The following POU6F2 variants were observed in gnomAD, a reference collection of about 807,000 sequenced individuals.
POU6F2 encodes the protein POU domain, class 6, transcription factor 2.
Under a neutral mutation model 71.3 loss-of-function variants are expected in POU6F2, and 31 were observed. That is an observed-to-expected ratio of 0.43 (90% CI 0.33 to 0.59). The LOEUF (loss-of-function observed/expected upper bound fraction) is 0.59. POU6F2 is among the 20% of genes least tolerant of loss of function. The probability of loss-of-function intolerance (pLI) is 0.04; values close to 1 mark genes in which losing one functional copy is unlikely to be tolerated. For synonymous variants in POU6F2, 347 were observed against 355.7 expected, an observed-to-expected ratio of 0.98 and a Z score of 0.27; for missense variants, 783 against 856.8, an observed-to-expected ratio of 0.91 and a Z score of 1.07.
chr7:39,233,374 C>T (rs1794613031), intron 4 of POU6F2, among the ~76,000 whole-genome samples: 1 of 151,646 alleles, frequency 6.6e-6, no homozygotes, highest in Non-Finnish European at 1.5e-5. Context: ...AACATTATCA[C>T]TAGCTGCCTT....
intron 5 of POU6F2, among the ~76,000 whole-genome samples, chr7:39,351,009 G>C (rs543908120): frequency 1.3e-5 from 2 of 152,338 alleles, no homozygotes; most frequent in South Asian, 4.1e-4. Flanking sequence ...TTTGTTTGTT[G>C]TTTGAAGATA....
intron 1 of POU6F2, among the ~76,000 whole-genome samples, chr7:39,070,152 A>G (rs751555647): frequency 2.0e-5 from 3 of 152,188 alleles, no homozygotes; most frequent in Non-Finnish European, 4.4e-5. Context: ...AAGCTGAGAG[A>G]TGATTTATTT....
At chr7:39,126,993 T>G (rs1319134015) in intron 2 of POU6F2, among the ~76,000 whole-genome samples, 1 of 152,148 alleles carries the variant, frequency 6.6e-6, no homozygotes, top group Non-Finnish European at 1.5e-5. Flanking sequence ...AGTAGCCACA[T>G]TAAAAAAATA....
intron 7 of POU6F2, 131 bp downstream of exon 7, chr7:39,433,414 G>A (rs1337551820): frequency 1.3e-5 from 13 of 972,218 alleles, no homozygotes; most frequent in African/African-American, 4.9e-5. Context: ...TGAACATATC[G>A]ATACTTATAA....
chr7:39,447,632 C>T (rs944579048), intron 7 of POU6F2, among the ~76,000 whole-genome samples: 4 of 152,180 alleles, frequency 2.6e-5, no homozygotes, highest in African/African-American at 9.6e-5. Flanking sequence ...ACATTACTCA[C>T]ATATTTGGCC....
chr7:39,168,127 G>A (rs1170987557), intron 2 of POU6F2, among the ~76,000 whole-genome samples: 1 of 152,110 alleles, frequency 6.6e-6, no homozygotes, highest in Non-Finnish European at 1.5e-5. Flanking sequence ...GATCTTATAA[G>A]AGATTTTTTT....
chr7:39,255,453 G>A (rs768216608), intron 4 of POU6F2, among the ~76,000 whole-genome samples: 1 of 152,184 alleles, frequency 6.6e-6, no homozygotes, highest in Non-Finnish European at 1.5e-5. Flanking sequence ...AAAGAAGCAC[G>A]CCTTTCTCAT....
chr7:39,207,583 C>T lies in POU6F2; in HGVS notation c.561C>T (p.Ala187=), dbSNP rs775577041. The change falls in exon 4 of 10, where the codon GCC becomes GCT. Residue 187 remains alanine, a synonymous_variant. Transcript: ENST00000518318. ...NIQGLVAAAA[A]GGIMTLPLQN... ...AAGGGCTGGTGGCAGCAGCTGCAGC[C>T]GGAGGCATTATGACTCTGCCACTGC... 50 of 1,613,806 alleles carry T rather than the reference C, an allele frequency of 3.1e-5. No individual in the cohort carries two copies. The highest frequency in any genetic ancestry group is 4.2e-5 in the Non-Finnish European group (50 of 1,179,840).
chr7:39,211,022 A>G (rs1794133341), intron 4 of POU6F2, among the ~76,000 whole-genome samples: 1 of 152,068 alleles, frequency 6.6e-6, no homozygotes, highest in Non-Finnish European at 1.5e-5. Context: ...TGGTTCATAG[A>G]TGTCTGTCTT....
At chr7:39,203,599 T>C (rs1014439301) in intron 2 of POU6F2, among the ~76,000 whole-genome samples, 1 of 152,216 alleles carries the variant, frequency 6.6e-6, no homozygotes, top group Non-Finnish European at 1.5e-5. Context: ...AGTAGGATTC[T>C]GGTAAAGGAA....
chr7:39,383,636 CA>C (rs1480639327), intron 5 of POU6F2, among the ~76,000 whole-genome samples: 1 of 152,060 alleles, frequency 6.6e-6, no homozygotes, highest in Non-Finnish European at 1.5e-5. Flanking sequence ...GACCAAAACC[CA>C]AAAAGACTGC....
intron 7 of POU6F2, among the ~76,000 whole-genome samples, chr7:39,437,857 T>C (rs1364476821): frequency 2.0e-5 from 3 of 152,200 alleles, no homozygotes; most frequent in Non-Finnish European, 4.4e-5. Flanking sequence ...ACTTCTTGAT[T>C]TCTGCCTTAA....
chr7:39,054,078 G>A (rs1018185792), intron 1 of POU6F2, among the ~76,000 whole-genome samples: 2 of 151,314 alleles, frequency 1.3e-5, no homozygotes, highest in African/African-American at 4.9e-5. Context: ...CTCTAGCCTG[G>A]GCAACAGAGC....
At chr7:39,118,633 A>G (rs1791980295) in intron 2 of POU6F2, among the ~76,000 whole-genome samples, 1 of 152,196 alleles carries the variant, frequency 6.6e-6, no homozygotes, top group South Asian at 2.1e-4. Context: ...AATTAATGAG[A>G]AAGTTAGAGG....
At chr7:39,321,991 C>T (rs1240405179) in intron 4 of POU6F2, among the ~76,000 whole-genome samples, 1 of 151,994 alleles carries the variant, frequency 6.6e-6, no homozygotes, top group Non-Finnish European at 1.5e-5. Flanking sequence ...AAGTAAGTAC[C>T]TTATAGTTTT....
chr7:39,296,414 A>G (rs1385850686), intron 4 of POU6F2, among the ~76,000 whole-genome samples: 5 of 152,218 alleles, frequency 3.3e-5, no homozygotes, highest in East Asian at 1.9e-4. Flanking sequence ...TAGCATTTCA[A>G]TAAGCTACCA....
intron 4 of POU6F2, among the ~76,000 whole-genome samples, chr7:39,221,168 C>T (rs1794347658): frequency 6.6e-6 from 1 of 151,988 alleles, no homozygotes; most frequent in Non-Finnish European, 1.5e-5. Context: ...TCTGCCTATA[C>T]AAATGGCACT....
At chr7:39,093,505 A>G (rs956452533) in intron 2 of POU6F2, among the ~76,000 whole-genome samples, 3 of 152,110 alleles carry the variant, frequency 2.0e-5, no homozygotes, top group East Asian at 1.9e-4. Flanking sequence ...CAGTTTCACA[A>G]TTTAATGAAT....
intron 4 of POU6F2, among the ~76,000 whole-genome samples, chr7:39,242,349 G>A (rs1170313703): frequency 6.6e-6 from 1 of 150,720 alleles, no homozygotes; most frequent in Non-Finnish European, 1.5e-5. Context: ...TCCACATCCT[G>A]TCAGCACTTC....
Sources: allele counts gnomAD v4.1 joint callset (sites outside exome capture counted in the v4.1 genomes callset), GRCh38; gene constraint gnomAD v4.1.1; transcripts MANE v1.5; gene names NCBI Gene and HGNC (gene_info 2026-07-23, HGNC 2026-07-21).